Variants in GPAM observed in about 807,000 individuals in gnomAD.
GPAM encodes the protein glycerol-3-phosphate acyltransferase, mitochondrial, also known as glycerol-3-phosphate acyltransferase 1, mitochondrial.
GPAM carries 56 observed loss-of-function variants against 105.0 expected under a neutral mutation model. The observed-to-expected ratio is 0.53, with a 90% CI of 0.43 to 0.67. The LOEUF (loss-of-function observed/expected upper bound fraction) is 0.67, where lower values mean the gene tolerates loss of function less well. GPAM is among the 30% of genes least tolerant of loss of function. The pLI, the probability that GPAM is intolerant of heterozygous loss-of-function variation, is 0.00. For synonymous variants in GPAM, 368 were observed against 354.4 expected (o/e 1.04, Z -0.43); for missense variants, 855 against 989.8 (o/e 0.86, Z 1.83).
intron 4 of GPAM, among the ~76,000 whole-genome samples, chr10:112,179,835 T>C (rs1222323944): frequency 6.6e-6 from 1 of 152,238 alleles, no homozygotes; most frequent in Non-Finnish European, 1.5e-5. Context: ...CGTGAAGTTC[T>C]TGTTCCTGTG....
intron 4 of GPAM, among the ~76,000 whole-genome samples, chr10:112,179,704 T>C (rs1032644756): frequency 6.6e-6 from 1 of 152,146 alleles, no homozygotes; most frequent in African/African-American, 2.4e-5. Flanking sequence ...ACAAGCAACC[T>C]CTATAAATGG....
rs762302871 is a variant in GPAM at position 112,153,606 on chromosome 10, G to A, written c.2431C>T (p.Pro811Ser). Residue 811 changes from proline to serine, a missense_variant, in exon 22 of 22, where the codon CCT becomes TCT. By Grantham distance (74) the Pro-to-Ser change is moderately conservative. Transcript: ENST00000348367. ...AGAAGTTTTTGTCGGTTGCATTGAGGTAGAAAAGTGCTGCTCAGTTCTAAA... is the reference window on the plus strand; with the variant it reads ...AGAAGTTTTTGTCGGTTGCATTGAGATAGAAAAGTGCTGCTCAGTTCTAAA... ...SVLELSSTFL[P>S]QCNRQKLLEY... The A allele has an allele frequency of 1.2e-6, 2 of 1,613,848 alleles. No individual in the cohort carries two copies. Among genetic ancestry groups the A allele is most frequent in the Admixed American group, 3.3e-5 (2 of 60,014 alleles).
intron 1 of GPAM, among the ~76,000 whole-genome samples, chr10:112,200,216 C>A (rs1589607838): frequency 2.1e-4 from 21 of 101,862 alleles, no homozygotes; most frequent in Admixed American, 4.0e-4. Context: ...ATATTTCAGT[C>A]CACACTATAT....
rs145122514 is a variant in GPAM at position 112,157,411 on chromosome 10, T to C, written c.1981-22A>G. ...CGTGCTAGGCCAAGGAGATGATGGA[T>C]AGTAAATAAATATGCACTGGCACAC... On this transcript the variant is annotated intron_variant, in intron 18 of 21. Coordinates refer to ENST00000348367, the MANE Select transcript of GPAM (RefSeq NM_001244949.2). 1.4e-3 allele frequency: 2,177 copies of C among 1,611,904 alleles called. 16 individuals are homozygous for C. In the African/African-American group the frequency reaches 0.016, roughly 12 times the overall value.
intron 11 of GPAM, among the ~76,000 whole-genome samples, chr10:112,167,868 C>A (rs2076826242): frequency 6.6e-6 from 1 of 152,178 alleles, no homozygotes; most frequent in Admixed American, 6.5e-5. Flanking sequence ...AAAAGGTATA[C>A]TGAAAAAGTC....
chr10:112,160,975 C>A, intron 15 of GPAM, 107 bp from the exon 16 acceptor site: 1 of 895,254 alleles, frequency 1.1e-6, no homozygotes. Context: ...TCCTGCAGCT[C>A]ACTGCTAGCA....
At chr10:112,175,285 T>C (rs1297162313) in intron 6 of GPAM, among the ~76,000 whole-genome samples, 6 of 152,206 alleles carry the variant, frequency 3.9e-5, no homozygotes, top group Non-Finnish European at 5.9e-5. Context: ...CTCCAACATT[T>C]ATATTACAGA....
chr10:112,169,727 C>T (rs1362168770), intron 9 of GPAM, among the ~76,000 whole-genome samples: 5 of 152,168 alleles, frequency 3.3e-5, no homozygotes, highest in African/African-American at 9.7e-5. Flanking sequence ...TACCGGTCCC[C>T]GGCCTGTTAG....
upstream of GPAM, among the ~76,000 whole-genome samples, chr10:112,187,958 A>G (rs938777626): frequency 1.3e-5 from 2 of 152,228 alleles, no homozygotes; most frequent in African/African-American, 4.8e-5. Flanking sequence ...GCTGTAAAAA[A>G]GAAAAATGAA....
chr10:112,196,239 G>A (rs1341400393), intron 1 of GPAM, among the ~76,000 whole-genome samples: 1 of 152,178 alleles, frequency 6.6e-6, no homozygotes, highest in East Asian at 1.9e-4. Context: ...TTCATGAAGA[G>A]GAGAAGCTGA....
chr10:112,204,272 T>A (rs1847834355), intron 1 of GPAM, among the ~76,000 whole-genome samples: 1 of 143,676 alleles, frequency 7.0e-6, no homozygotes, highest in Non-Finnish European at 1.5e-5. Flanking sequence ...TTTTTTTTTT[T>A]GATAGGAAGA....
intron 10 of GPAM, 29 bp downstream of exon 10, chr10:112,168,824 C>A: frequency 1.5e-6 from 2 of 1,325,024 alleles, no homozygotes; most frequent in South Asian, 1.2e-5. Flanking sequence ...AACACAATGT[C>A]CCTAAGGATA....
At chr10:112,154,905 T>TA in intron 20 of GPAM, 1 of 601,252 alleles carries the variant, frequency 1.7e-6, no homozygotes, top group Non-Finnish European at 3.0e-6. Context: ...TATATTGAGG[T>TA]AAATAAGAAA....
At chr10:112,171,451 C>T (rs990951626) in intron 9 of GPAM, among the ~76,000 whole-genome samples, 6 of 152,300 alleles carry the variant, frequency 3.9e-5, no homozygotes, top group Non-Finnish European at 5.9e-5. Flanking sequence ...TTTCAAAATA[C>T]AAACCTGAAC....
chr10:112,171,062 T>C (rs1411987184), intron 9 of GPAM, among the ~76,000 whole-genome samples: 2 of 152,204 alleles, frequency 1.3e-5, no homozygotes, highest in Non-Finnish European at 2.9e-5. Flanking sequence ...TTCCAGTCTC[T>C]TTCTAAATTC....
chr10:112,199,788 C>T (rs1847770823), intron 1 of GPAM, among the ~76,000 whole-genome samples: 1 of 152,002 alleles, frequency 6.6e-6, no homozygotes, highest in Non-Finnish European at 1.5e-5. Context: ...AGGGGAACTC[C>T]CATTTATAAA....
At chr10:112,188,808 C>A (rs546648650) in intron 1 of GPAM, among the ~76,000 whole-genome samples, 1 of 152,230 alleles carries the variant, frequency 6.6e-6, no homozygotes, top group South Asian at 2.1e-4. Flanking sequence ...ATATTATGAT[C>A]CTTAATTTAC....
intron 1 of GPAM, among the ~76,000 whole-genome samples, chr10:112,207,264 T>C (rs1352134998): frequency 6.6e-6 from 1 of 152,180 alleles, no homozygotes; most frequent in Non-Finnish European, 1.5e-5. Context: ...TTATCTGATA[T>C]ATAGCACCTA....
At chr10:112,197,319 C>A (rs1303138776) in intron 1 of GPAM, among the ~76,000 whole-genome samples, 1 of 151,870 alleles carries the variant, frequency 6.6e-6, no homozygotes. Flanking sequence ...CTAATAGTTA[C>A]AAAAATAAAA....
Sources: gnomAD v4.1 joint callset for allele counts (sites outside exome capture counted in the v4.1 genomes callset) on GRCh38, gnomAD v4.1.1 for gene constraint, MANE v1.5 for transcripts, NCBI Gene and HGNC (gene_info 2026-07-23, HGNC 2026-07-21) for gene names.